The following HUNK variants were observed in gnomAD, a reference collection of about 807,000 sequenced individuals.
HUNK encodes hormonally up-regulated Neu-associated kinase.
In HUNK, 21 loss-of-function variants were observed where a neutral mutation model predicts 61.0. That is an observed-to-expected ratio of 0.34 (90% CI 0.24 to 0.50). The LOEUF is 0.50. HUNK is among the 20% of genes least tolerant of loss of function. HUNK has a pLI of 0.98. For missense variants in HUNK, 772 were observed against 945.7 expected, an observed-to-expected ratio of 0.82 and a Z score of 2.41; for synonymous variants, 371 against 386.1, an observed-to-expected ratio of 0.96 and a Z score of 0.46.
rs577642312 is a variant in HUNK, at chr21:31,892,956, A to C, written c.261+19021A>C. Reference sequence around the variant, plus strand: ...CCTGCCCCCTGCCTCAAGGCTTCTCACTATTCCTGGCTTCTCTGCCTCCTC... The same window carrying C: ...CCTGCCCCCTGCCTCAAGGCTTCTCCCTATTCCTGGCTTCTCTGCCTCCTC... On this transcript the variant is annotated intron_variant, in intron 1 of 10. Coordinates refer to ENST00000270112, the MANE Select transcript of HUNK (RefSeq NM_014586.2). Among the ~76,000 whole-genome samples the C allele has an allele frequency of 1.2e-4, 18 of 148,846 alleles. No homozygotes were observed. The East Asian group carries it at 3.9e-3, about 32-fold the overall frequency.
At chr21:31,933,288 C>A (rs530632808) in intron 2 of HUNK, among the ~76,000 whole-genome samples, 9 of 152,104 alleles carry the variant, frequency 5.9e-5, no homozygotes, top group Non-Finnish European at 1.2e-4. Flanking sequence ...GGCCCATTGG[C>A]CAAGAAAAAG....
At chr21:31,903,106 C>T (rs141331603) in intron 1 of HUNK, among the ~76,000 whole-genome samples, 1 of 152,028 alleles carries the variant, frequency 6.6e-6, no homozygotes, top group Non-Finnish European at 1.5e-5. Context: ...CATAACAAAG[C>T]TCCATTAATG....
rs116945506 is a variant in HUNK, at chr21:31,963,583, G to A, written c.874+4613G>A. On this transcript the variant is annotated intron_variant, in intron 5 of 10. Coordinates refer to ENST00000270112, the MANE Select transcript of HUNK (RefSeq NM_014586.2). The stretch of plus-strand genomic sequence containing the variant: ...CACAATCATGGCTCACTGCAGCCTC[G>A]GCCTCCGAAACCAAGCAGTCTTCCC... Among the ~76,000 whole-genome samples, 106 of 152,146 alleles carry A rather than the reference G, an allele frequency of 7.0e-4. 2 individuals carry two copies. In the East Asian group the frequency reaches 0.017, roughly 24 times the overall value.
intron 4 of HUNK, among the ~76,000 whole-genome samples, chr21:31,954,221 C>T (rs971092237): frequency 3.3e-5 from 5 of 152,266 alleles, no homozygotes; most frequent in East Asian, 1.9e-4. Context: ...CTGCACTATA[C>T]GACACCCCCA....
chr21:31,899,749 C>T (rs984491137), intron 1 of HUNK, among the ~76,000 whole-genome samples: 1 of 151,962 alleles, frequency 6.6e-6, no homozygotes, highest in Non-Finnish European at 1.5e-5. Flanking sequence ...TTGGGTTATT[C>T]AGCTCCTGTA....
intron 3 of HUNK, among the ~76,000 whole-genome samples, chr21:31,942,204 C>T (rs1026908807): frequency 1.3e-5 from 2 of 152,182 alleles, no homozygotes; most frequent in African/African-American, 2.4e-5. Flanking sequence ...AGCGAGACTC[C>T]GTCTCAAAAA....
intron 8 of HUNK, 54 bp from the exon 9 acceptor site, chr21:31,990,075 G>A (rs566899163): frequency 8.6e-5 from 129 of 1,502,048 alleles, no homozygotes; most frequent in Non-Finnish European, 1.2e-4. Context: ...AGCATTTAGG[G>A]AATAAATAGC....
At chr21:31,949,460 C>T (rs774264645) in intron 4 of HUNK, among the ~76,000 whole-genome samples, 1 of 152,084 alleles carries the variant, frequency 6.6e-6, no homozygotes, top group Non-Finnish European at 1.5e-5. Flanking sequence ...CACTGTCTTC[C>T]CTCAATAAAT....
intron 6 of HUNK, among the ~76,000 whole-genome samples, chr21:31,968,842 TTGTGTGTGTGTGTG>T (rs56695834): frequency 2.1e-4 from 30 of 140,444 alleles, no homozygotes; most frequent in South Asian, 4.7e-4. Flanking sequence ...GTGTGTAAAT[TTGTGTGTGTGTGTG>T]TGTGTGTGTG....
intron 1 of HUNK, among the ~76,000 whole-genome samples, chr21:31,895,114 G>T (rs1011966829): frequency 6.6e-6 from 1 of 152,192 alleles, no homozygotes; most frequent in African/African-American, 2.4e-5. Context: ...AGAGAAGCAA[G>T]GTGAAGAATT....
chr21:31,879,850 G>A (rs904031793), intron 1 of HUNK, among the ~76,000 whole-genome samples: 1 of 152,150 alleles, frequency 6.6e-6, no homozygotes, highest in African/African-American at 2.4e-5. Flanking sequence ...GATTATTTAT[G>A]GTAACGGAGA....
At chr21:31,877,035 C>T (rs9982493) in intron 1 of HUNK, among the ~76,000 whole-genome samples, 19,847 of 152,018 alleles carry the variant, frequency 0.13, 1,545 homozygotes, top group East Asian at 0.39. Context: ...CCACGTGGAG[C>T]GAAAGGATTC....
intron 2 of HUNK, among the ~76,000 whole-genome samples, chr21:31,931,872 C>A (rs1484036277): frequency 6.6e-6 from 1 of 152,146 alleles, no homozygotes; most frequent in African/African-American, 2.4e-5. Flanking sequence ...CTTCTCCCAT[C>A]TGCCTTCTCC....
chr21:31,966,296 A>G (rs555441790), intron 5 of HUNK, among the ~76,000 whole-genome samples: 1 of 152,312 alleles, frequency 6.6e-6, no homozygotes, highest in Admixed American at 6.5e-5. Context: ...TGACATGTAT[A>G]TATATATGTC....
At position 31,940,195 on chromosome 21, in the gene HUNK, T is replaced by C. The variant is rs898047451; in HGVS notation, c.585T>C (p.Asp195=). The change falls in exon 3 of 11, where the codon GAT becomes GAC. Residue 195 remains aspartate (D), a synonymous_variant. Coordinates refer to ENST00000270112, the MANE Select transcript of HUNK (RefSeq NM_014586.2). ...TGAAGATAGAGAATTTGCTACTAGA[T>C]GAAGACAATAATATCAAGCTGATTG... ...RDLKIENLLL[D]EDNNIKLIDF... The C allele has an allele frequency of 6.3e-7, 1 of 1,596,286 alleles. No individual in the cohort carries two copies. Among genetic ancestry groups the C allele is most frequent in the Non-Finnish European group, 8.5e-7 (1 of 1,171,984 alleles).
intron 1 of HUNK, among the ~76,000 whole-genome samples, chr21:31,878,734 G>A (rs1309049782): frequency 6.6e-6 from 1 of 152,142 alleles, no homozygotes; most frequent in Non-Finnish European, 1.5e-5. Flanking sequence ...GTAAAAAATT[G>A]ATAAAAGTTG....
intron 9 of HUNK, among the ~76,000 whole-genome samples, chr21:31,994,243 C>T (rs1390815864): frequency 6.6e-6 from 1 of 152,190 alleles, no homozygotes; most frequent in Non-Finnish European, 1.5e-5. Context: ...TAGGGAGGAG[C>T]CACATCAGCT....
chr21:31,940,234 T>C lies in HUNK; in HGVS notation c.610+14T>C. 1 of 1,554,108 alleles carries C rather than the reference T, an allele frequency of 6.4e-7. No individual in the cohort carries two copies. The highest frequency in any genetic ancestry group is 8.8e-7 in the Non-Finnish European group (1 of 1,140,652). On this transcript the variant is annotated intron_variant, in intron 3 of 10. Transcript: ENST00000270112. ...TCAAGCTGATTGGTATGACTTTTTTTTTTTTTTAAGCAAAAGTATCTTTTA... is the reference window on the plus strand; with the variant it reads ...TCAAGCTGATTGGTATGACTTTTTTCTTTTTTTAAGCAAAAGTATCTTTTA...
chr21:31,880,708 A>T (rs1183040365), intron 1 of HUNK, among the ~76,000 whole-genome samples: 2 of 152,168 alleles, frequency 1.3e-5, no homozygotes, highest in Non-Finnish European at 2.9e-5. Flanking sequence ...ACAGGTACCA[A>T]CGGGACTTGA....
Sources: allele counts gnomAD v4.1 joint callset (sites outside exome capture counted in the v4.1 genomes callset), GRCh38; gene constraint gnomAD v4.1.1; transcripts MANE v1.5; gene names NCBI Gene and HGNC (gene_info 2026-07-23, HGNC 2026-07-21).